The following SYN2 variants were observed in gnomAD, a reference collection of about 807,000 sequenced individuals.
SYN2 encodes the protein synapsin-2.
A neutral mutation model predicts 50.9 loss-of-function variants in SYN2; 19 were observed. The ratio of observed to expected loss-of-function variants is 0.37; its 90% CI spans 0.26 to 0.55. The LOEUF is 0.55. Among genes scored for constraint, SYN2 ranks in the 20% least tolerant of loss-of-function variants. The probability of loss-of-function intolerance (pLI) is 0.81; values close to 1 mark genes in which losing one functional copy is unlikely to be tolerated. For synonymous variants in SYN2, 255 were observed against 224.9 expected (o/e 1.13, Z -1.20); for missense variants, 587 against 576.4 (o/e 1.02, Z -0.19).
intron 1 of SYN2, among the ~76,000 whole-genome samples, chr3:12,101,189 T>C (rs1347137975): frequency 6.6e-6 from 1 of 152,198 alleles, no homozygotes; most frequent in African/African-American, 2.4e-5. Flanking sequence ...TGAAAAATTC[T>C]CATGACAGCA....
intron 1 of SYN2, among the ~76,000 whole-genome samples, chr3:12,091,533 CAG>C (rs768057994): frequency 1.3e-4 from 20 of 152,082 alleles, no homozygotes; most frequent in Non-Finnish European, 2.5e-4. Flanking sequence ...GACCCAGAGA[CAG>C]AAAGTGACTT....
At chr3:12,063,102 T>A (rs1402518673) in intron 1 of SYN2, among the ~76,000 whole-genome samples, 1 of 150,590 alleles carries the variant, frequency 6.6e-6, no homozygotes, top group Non-Finnish European at 1.5e-5. Flanking sequence ...TTAAATACAG[T>A]GAAACACAGG....
chr3:12,089,549 C>G (rs554164916), intron 1 of SYN2, among the ~76,000 whole-genome samples: 1 of 152,268 alleles, frequency 6.6e-6, no homozygotes, highest in African/African-American at 2.4e-5. Flanking sequence ...GCAGCATGTG[C>G]CTGTAGTCCT....
intron 1 of SYN2, among the ~76,000 whole-genome samples, chr3:12,082,152 C>CA (rs1274067283): frequency 6.6e-6 from 1 of 152,182 alleles, no homozygotes; most frequent in African/African-American, 2.4e-5. Context: ...TAGAGGAAAT[C>CA]AAACATGAGC....
At chr3:12,057,289 G>GTCTC (rs200988080) in intron 1 of SYN2, among the ~76,000 whole-genome samples, 1 of 131,268 alleles carries the variant, frequency 7.6e-6, no homozygotes, top group Non-Finnish European at 1.8e-5. Context: ...AAGACTGTCT[G>GTCTC]TGTGTGTGTG....
chr3:12,066,642 G>T lies in SYN2; in HGVS notation c.377+61714G>T, dbSNP rs112245975. 3.2e-3 allele frequency among the ~76,000 whole-genome samples: 482 copies of T among 152,144 alleles called. 1 individual carries two copies. Among genetic ancestry groups the T allele is most frequent in the Middle Eastern group, 0.01 (3 of 294 alleles). ...GTACTTATATCAGAATATTTATCAT[G>T]TAGGATATGAAAAAAAATATGCTGG... On this transcript the variant is annotated intron_variant, in intron 1 of 12. Coordinates refer to ENST00000621198, the MANE Select transcript of SYN2 (RefSeq NM_133625.6).
In SYN2 at chr3:12,187,435, CT is replaced by C. The variant is rs778939402; in HGVS notation, c.1437del (p.Gly480AspfsTer64). The C allele has an allele frequency of 2.1e-5, 33 of 1,552,836 alleles. No individual in the cohort carries two copies. Among genetic ancestry groups the C allele is most frequent in the South Asian group, 3.6e-5 (3 of 84,112 alleles). Reference protein sequence around the residue: ...GKVLPPRRLPPGPSLPPSSSS... With the variant: ...GKVLPPRRLPXGPSLPPSSSS... The stretch of plus-strand genomic sequence containing the variant: ...GTGCTGCCTCCACGCCGGCTCCCCC[CT>C]GGACCATCACTGCCACCTTCCTCCT... On this transcript the variant is annotated frameshift_variant, in exon 12 of 13. Coordinates refer to ENST00000621198, the MANE Select transcript of SYN2 (RefSeq NM_133625.6). LOFTEE classifies it high-confidence loss of function.
At chr3:12,138,737 T>A (rs1161552824) in intron 1 of SYN2, among the ~76,000 whole-genome samples, 1 of 152,192 alleles carries the variant, frequency 6.6e-6, no homozygotes, top group Non-Finnish European at 1.5e-5. Context: ...TCTCTGAGAT[T>A]TACCTCACAG....
At chr3:12,050,044 C>G (rs1383867058) in intron 1 of SYN2, among the ~76,000 whole-genome samples, 1 of 152,052 alleles carries the variant, frequency 6.6e-6, no homozygotes. Context: ...GGATTACAGG[C>G]ACCTGCCACC....
chr3:12,106,251 C>A (rs1052500145), intron 1 of SYN2, among the ~76,000 whole-genome samples: 54 of 152,198 alleles, frequency 3.5e-4, no homozygotes, highest in African/African-American at 1.1e-3. Flanking sequence ...CCTTCTCATG[C>A]TTCAGATCTC....
At position 12,187,533 on chromosome 3, in the gene SYN2, T is replaced by C; in HGVS notation, c.1534T>C (p.Ser512Pro). ...GGPTTHGDAP[S>P]SSSSLAEAQP... ...CCCCACCACCCACGGAGATGCACCCTCCAGCAGCAGCTCCCTGGCAGAGGC... is the reference window on the plus strand; with the variant it reads ...CCCCACCACCCACGGAGATGCACCCCCCAGCAGCAGCTCCCTGGCAGAGGC... Residue 512 changes from serine (S) to proline (P), a missense_variant, in exon 12 of 13, where the codon TCC (serine) becomes CCC (proline). By Grantham distance (74) the Ser-to-Pro change is moderately conservative (BLOSUM62 -1). Transcript: ENST00000621198. 6.4e-7 allele frequency: 1 copy of C among 1,552,134 alleles called. No homozygotes were observed. The highest frequency in any genetic ancestry group is 8.7e-7 in the Non-Finnish European group (1 of 1,147,274).
At chr3:12,141,284 G>A (rs1188962704) in intron 2 of SYN2, among the ~76,000 whole-genome samples, 1 of 151,688 alleles carries the variant, frequency 6.6e-6, no homozygotes, top group Non-Finnish European at 1.5e-5. Context: ...AGGACGTTCA[G>A]TTTCAACAAT....
At chr3:12,038,181 C>G (rs1045847921) in intron 1 of SYN2, among the ~76,000 whole-genome samples, 6 of 152,226 alleles carry the variant, frequency 3.9e-5, no homozygotes, top group Admixed American at 2.0e-4. Context: ...ATTGAATTGT[C>G]TTGACACCCT....
chr3:12,046,910 G>T (rs1216168106), intron 1 of SYN2, among the ~76,000 whole-genome samples: 1 of 151,944 alleles, frequency 6.6e-6, no homozygotes, highest in African/African-American at 2.4e-5. Flanking sequence ...AGGGGGAGAT[G>T]ATGAATGTTG....
At chr3:12,066,840 CTG>C (rs1491100218) in intron 1 of SYN2, among the ~76,000 whole-genome samples, 1 of 151,996 alleles carries the variant, frequency 6.6e-6, no homozygotes, top group Non-Finnish European at 1.5e-5. Context: ...TTTCACATGG[CTG>C]GGGGGGGCCT....
chr3:12,066,444 G>T (rs942493961), intron 1 of SYN2, among the ~76,000 whole-genome samples: 1 of 152,162 alleles, frequency 6.6e-6, no homozygotes, highest in African/African-American at 2.4e-5. Context: ...TTAGAAAAAA[G>T]ACTCAAGGTT....
At chr3:12,185,289 G>A (rs78512510) in intron 11 of SYN2, 32,866 of 985,686 alleles carry the variant, frequency 0.033, 614 homozygotes, top group Middle Eastern at 0.04. Flanking sequence ...TCCAAGCGAT[G>A]AGCTGACGGT....
chr3:12,088,363 ACATCT>A (rs148300986), intron 1 of SYN2, among the ~76,000 whole-genome samples: 12,447 of 152,176 alleles, frequency 0.082, 882 homozygotes, highest in East Asian at 0.19. Context: ...CAGTGAGATA[ACATCT>A]CATACCTTTT....
At position 12,014,330 on chromosome 3, in the gene SYN2, T is replaced by A. The variant is rs568489537; in HGVS notation, c.377+9402T>A. 1.1e-4 allele frequency among the ~76,000 whole-genome samples: 17 copies of A among 152,336 alleles called. No individual in the cohort carries two copies. The East Asian group carries it at 3.3e-3, about 29-fold the overall frequency. On this transcript the variant is annotated intron_variant, in intron 1 of 12. Transcript: ENST00000621198. ...GAAGGTAACAATGAAGAGAGGGAAG[T>A]ATCCTAGGATTAGAAGTATATGTTA...
Sources: gnomAD v4.1 joint callset for allele counts (sites outside exome capture counted in the v4.1 genomes callset) on GRCh38, gnomAD v4.1.1 for gene constraint, MANE v1.5 for transcripts, NCBI Gene and HGNC (gene_info 2026-07-23, HGNC 2026-07-21) for gene names.